DNAJB9: variants seen among roughly 807,000 people sequenced by gnomAD.
The protein encoded by DNAJB9 is DnaJ heat shock protein family (Hsp40) member B9.
DNAJB9 carries 12 observed loss-of-function variants against 19.2 expected under a neutral mutation model. The ratio of observed to expected loss-of-function variants is 0.62; its 90% CI spans 0.40 to 1.01. The LOEUF is 1.01. Ranked by LOEUF, DNAJB9 falls within the 50% of genes least tolerant of loss-of-function variation. The probability of loss-of-function intolerance (pLI) is 0.00; values close to 1 mark genes in which losing one functional copy is unlikely to be tolerated. For missense variants in DNAJB9, 272 were observed against 261.1 expected, an observed-to-expected ratio of 1.04 and a Z score of -0.29; for synonymous variants, 83 against 84.0, an observed-to-expected ratio of 0.99 and a Z score of 0.07.
At chr7:108,572,102 G>C (rs1186303188) in intron 2 of DNAJB9, 159 bp downstream of exon 2, 10 of 613,004 alleles carry the variant, frequency 1.6e-5, no homozygotes, top group Non-Finnish European at 2.5e-5. Flanking sequence ...TCTTATCACA[G>C]ATGCTTTGAT....
chr7:108,573,370 A>T lies in DNAJB9; in HGVS notation c.*17A>T, dbSNP rs760165628. The stretch of plus-strand genomic sequence containing the variant: ...GGACAGTAGTTCTTATTCTATTCTC[A>T]CTAAATCCAACTGGTTGACTCTTCC... On this transcript the variant is annotated 3_prime_UTR_variant, in exon 3 of 3. Coordinates refer to ENST00000249356, the MANE Select transcript of DNAJB9 (RefSeq NM_012328.3). The T allele has an allele frequency of 6.8e-6, 10 of 1,476,862 alleles. No homozygotes were observed. The highest frequency in any genetic ancestry group is 8.1e-6 in the Non-Finnish European group (9 of 1,112,022). The allele number at this position is 1,476,862 out of a possible 1,614,324, so 91.5% of individuals were successfully genotyped here.
At position 108,573,679 on chromosome 7, in the gene DNAJB9, A is replaced by T. The variant is rs945176171; in HGVS notation, c.*326A>T. On this transcript the variant is annotated 3_prime_UTR_variant, in exon 3 of 3. Transcript: ENST00000249356. ...TATTGAGTTTACCTGATTAAACTTTAAAAGTTAATTGTAGATTTAAATTGT... is the reference window on the plus strand; with the variant it reads ...TATTGAGTTTACCTGATTAAACTTTTAAAGTTAATTGTAGATTTAAATTGT... The T allele has an allele frequency of 5.3e-6, 1 of 189,814 alleles. No individual in the cohort carries two copies. Among genetic ancestry groups the T allele is most frequent in the South Asian group, 1.8e-4 (1 of 5,576 alleles). The allele number at this position is 189,814 out of a possible 1,614,324, so 11.8% of individuals were successfully genotyped here.
Position 108,573,047 on chromosome 7 carries a change from T to A in DNAJB9, c.366T>A (p.Phe122Leu), listed in dbSNP as rs777249949. 1 of 1,614,068 alleles carries A rather than the reference T, an allele frequency of 6.2e-7. No individual in the cohort carries two copies. Among genetic ancestry groups the A allele is most frequent in the South Asian group, 1.1e-5 (1 of 91,078 alleles). ...NFNFDDLFKD[F>L]GFFGQNQNTG... ...ATTTTGATGACTTATTTAAAGACTT[T>A]GGCTTTTTTGGTCAAAACCAAAACA... The change falls in exon 3 of 3, where the codon TTT becomes TTA. Residue 122 changes from phenylalanine to leucine, a missense_variant. By Grantham distance (22) the Phe-to-Leu change is conservative. Coordinates refer to ENST00000249356, the MANE Select transcript of DNAJB9 (RefSeq NM_012328.3).
chr7:108,571,125 G>T (rs572772873), intron 1 of DNAJB9, among the ~76,000 whole-genome samples: 2 of 152,082 alleles, frequency 1.3e-5, no homozygotes, highest in East Asian at 3.9e-4. Flanking sequence ...TCTTACATTT[G>T]GGAAAAAGAC....
chr7:108,572,091 T>G lies in DNAJB9; in HGVS notation c.217+148T>G, dbSNP rs1416680305. 3 of 665,902 alleles carry G rather than the reference T, an allele frequency of 4.5e-6. No homozygotes were observed. In the East Asian group the frequency reaches 8.3e-5, roughly 18 times the overall value. 41.2% of individuals were successfully genotyped at this position (665,902 alleles called of 1,614,324 possible). On this transcript the variant is annotated intron_variant, in intron 2 of 2. Transcript: ENST00000249356. ...TATTGGGTGATTCTCTGAGATTATT[T>G]TCTTATCACAGATGCTTTGATTCCT...
Position 108,574,058 on chromosome 7 carries a change from A to G in DNAJB9, c.*705A>G, listed in dbSNP as rs559356585. 2 of 152,638 alleles carry G rather than the reference A, an allele frequency of 1.3e-5. No individual in the cohort carries two copies. Among genetic ancestry groups the G allele is most frequent in the Non-Finnish European group, 2.9e-5 (2 of 68,024 alleles). The allele number at this position is 152,638 out of a possible 1,614,324, so 9.5% of individuals were successfully genotyped here. Reference sequence around the variant, plus strand: ...TAGTGTTGAAATCATAGCTACTTACATAGCTTTTTCATATTTCTTTCTTAG... The same window carrying G: ...TAGTGTTGAAATCATAGCTACTTACGTAGCTTTTTCATATTTCTTTCTTAG... On this transcript the variant is annotated 3_prime_UTR_variant, in exon 3 of 3. Transcript: ENST00000249356.
At chr7:108,572,488 GTTTAC>G (rs1434962796) in intron 2 of DNAJB9, among the ~76,000 whole-genome samples, 9 of 152,134 alleles carry the variant, frequency 5.9e-5, no homozygotes, top group African/African-American at 1.7e-4. Context: ...GAATTAAACA[GTTTAC>G]TTTAGTAAGG....
In DNAJB9 at chr7:108,570,082, C is replaced by T; in HGVS notation, c.-32C>T. On this transcript the variant is annotated 5_prime_UTR_variant, in exon 1 of 3. Transcript: ENST00000249356. ...CCAGCGCCTCAGCTCTGTGGAGGAG[C>T]AGCAGTAGTCGGAGGGTGCAGGTGA... The T allele has an allele frequency of 5.6e-6, 1 of 177,032 alleles. No homozygotes were observed. 11.0% of individuals were successfully genotyped at this position (177,032 alleles called of 1,614,324 possible).
chr7:108,571,302 G>T (rs1790616498), intron 1 of DNAJB9, among the ~76,000 whole-genome samples: 1 of 145,278 alleles, frequency 6.9e-6, no homozygotes, highest in African/African-American at 2.5e-5. Context: ...TTTTTTTAAT[G>T]TTTTTTTTTT....
At position 108,571,891 on chromosome 7, in the gene DNAJB9, T is replaced by A. The variant is rs936000332; in HGVS notation, c.165T>A (p.Pro55=). 6.8e-6 allele frequency: 11 copies of A among 1,614,080 alleles called. No homozygotes were observed. In the East Asian group the frequency reaches 2.5e-4, roughly 36 times the overall value. ...ACAAGTTGGCCATGAAGTACCACCC[T>A]GACAAAAATAAGAGCCCGGATGCTG... is the stretch of plus-strand genomic sequence containing the variant. The part of the protein sequence containing the change: ...AFHKLAMKYH[P]DKNKSPDAEA... Residue 55 remains proline, a synonymous_variant, in exon 2 of 3, where the codon CCT becomes CCA. Transcript: ENST00000249356.
At chr7:108,571,363 A>G (rs1790617972) in intron 1 of DNAJB9, among the ~76,000 whole-genome samples, 1 of 151,960 alleles carries the variant, frequency 6.6e-6, no homozygotes, top group African/African-American at 2.4e-5. Flanking sequence ...CTTGAAAGGA[A>G]AGTTGGGATC....
rs569057429 is a variant in DNAJB9, at chr7:108,571,849, A to C, written c.123A>C (p.Gln41His). Reference protein sequence around the residue: ...LGVPKSASERQIKKAFHKLAM... With the variant: ...LGVPKSASERHIKKAFHKLAM... ...TGCCAAAATCGGCATCAGAGCGCCA[A>C]ATCAAGAAGGCCTTTCACAAGTTGG... Residue 41 changes from glutamine to histidine, a missense_variant, in exon 2 of 3, where the codon CAA becomes CAC. Gln to His is a conservative substitution (Grantham distance 24). Coordinates refer to ENST00000249356, the MANE Select transcript of DNAJB9 (RefSeq NM_012328.3). The C allele has an allele frequency of 7.4e-5, 120 of 1,614,196 alleles. 1 individual carries two copies. In the South Asian group the frequency reaches 1.2e-3, roughly 16 times the overall value.
chr7:108,573,060 C>G lies in DNAJB9; in HGVS notation c.379C>G (p.Gln127Glu). The change falls in exon 3 of 3, where the codon CAA becomes GAA. Residue 127 changes from glutamine to glutamate, a missense_variant. By Grantham distance (29) the Gln-to-Glu change is conservative. Coordinates refer to ENST00000249356, the MANE Select transcript of DNAJB9 (RefSeq NM_012328.3). ...DLFKDFGFFG[Q>E]NQNTGSKKRF... is the part of the protein sequence containing the mutation. ...ATTTAAAGACTTTGGCTTTTTTGGT[C>G]AAAACCAAAACACTGGATCCAAGAA... is the stretch of plus-strand genomic sequence containing the variant. 6.2e-7 allele frequency: 1 copy of G among 1,613,860 alleles called. No individual in the cohort carries two copies. Among genetic ancestry groups the G allele is most frequent in the Non-Finnish European group, 8.5e-7 (1 of 1,179,906 alleles).
Position 108,571,697 on chromosome 7 carries a change from T to G in DNAJB9, c.-10-20T>G, listed in dbSNP as rs1418939958. The G allele has an allele frequency of 4.0e-5, 64 of 1,584,236 alleles. No individual in the cohort carries two copies. In the East Asian group the frequency reaches 1.3e-3, roughly 33 times the overall value. On this transcript the variant is annotated intron_variant, in intron 1 of 2. Transcript: ENST00000249356. ...AAGATTAGCTCCATCCATAACATTT[T>G]TTTTTCTTTTCTGTTTTAGGATATT... is the stretch of plus-strand genomic sequence containing the variant.
At chr7:108,571,181 C>T (rs968759060) in intron 1 of DNAJB9, among the ~76,000 whole-genome samples, 2 of 152,016 alleles carry the variant, frequency 1.3e-5, no homozygotes, top group African/African-American at 4.8e-5. Context: ...TATTAAGATT[C>T]TCTATTTGCA....
intron 1 of DNAJB9, among the ~76,000 whole-genome samples, chr7:108,570,331 C>G (rs1444166193): frequency 6.6e-6 from 1 of 152,002 alleles, no homozygotes; most frequent in Non-Finnish European, 1.5e-5. Flanking sequence ...GCCCGGGTCT[C>G]GGGCAGCTTC....
In DNAJB9 at chr7:108,573,241, A is replaced by G. The variant is rs1169517068; in HGVS notation, c.560A>G (p.Gln187Arg). The G allele has an allele frequency of 2.5e-6, 4 of 1,614,080 alleles. No individual in the cohort carries two copies. The highest frequency in any genetic ancestry group is 3.4e-6 in the Non-Finnish European group (4 of 1,179,918). The stretch of plus-strand genomic sequence containing the variant: ...TTTAGTGGTTTTGACTCTACCAATC[A>G]GCATACAGTACAGACTGAAAATAGA... ...FSFSGFDSTN[Q>R]HTVQTENRFH... Residue 187 changes from glutamine to arginine, a missense_variant, in exon 3 of 3, where the codon CAG becomes CGG. Coordinates refer to ENST00000249356, the MANE Select transcript of DNAJB9 (RefSeq NM_012328.3).
chr7:108,572,074 G>A lies in DNAJB9; in HGVS notation c.217+131G>A, dbSNP rs1790629139. ...TGGGATTTATGTATAAATATTGGGTGATTCTCTGAGATTATTTTCTTATCA... is the reference window on the plus strand; with the variant it reads ...TGGGATTTATGTATAAATATTGGGTAATTCTCTGAGATTATTTTCTTATCA... On this transcript the variant is annotated intron_variant, in intron 2 of 2. Coordinates refer to ENST00000249356, the MANE Select transcript of DNAJB9 (RefSeq NM_012328.3). The A allele has an allele frequency of 3.1e-5, 22 of 714,726 alleles. No homozygotes were observed. In the South Asian group the frequency reaches 4.6e-4, roughly 15 times the overall value. The allele number at this position is 714,726 out of a possible 1,614,324, so 44.3% of individuals were successfully genotyped here.
chr7:108,571,482 A>G (rs1193908048), intron 1 of DNAJB9, among the ~76,000 whole-genome samples: 2 of 152,104 alleles, frequency 1.3e-5, no homozygotes, highest in Non-Finnish European at 2.9e-5. Context: ...TCCTCTGTGT[A>G]TGGCCAGAGT....
Sources: allele counts gnomAD v4.1 joint callset (sites outside exome capture counted in the v4.1 genomes callset), GRCh38; gene constraint gnomAD v4.1.1; transcripts MANE v1.5; gene names NCBI Gene and HGNC (gene_info 2026-07-23, HGNC 2026-07-21).